Variants in RNF121 observed in about 807,000 individuals in gnomAD.
RNF121 encodes the protein ring finger protein 121.
Under a neutral mutation model 46.5 loss-of-function variants are expected in RNF121, and 21 were observed. The observed-to-expected ratio is 0.45, with a 90% CI of 0.32 to 0.65. The LOEUF (loss-of-function observed/expected upper bound fraction) is 0.65. Among genes scored for constraint, RNF121 ranks in the 30% least tolerant of loss-of-function variants. The pLI, the probability that RNF121 is intolerant of heterozygous loss-of-function variation, is 0.04. For synonymous variants in RNF121, 139 were observed against 144.7 expected (o/e 0.96, Z 0.28); for missense variants, 346 against 416.0 (o/e 0.83, Z 1.46).
intron 3 of RNF121, among the ~76,000 whole-genome samples, chr11:71,971,200 A>G (rs1049702775): frequency 3.9e-5 from 6 of 152,110 alleles, no homozygotes; most frequent in Non-Finnish European, 5.9e-5. Context: ...CTTGGGCAAC[A>G]TGGTCAAACC....
intron 3 of RNF121, among the ~76,000 whole-genome samples, chr11:71,973,322 A>G (rs1056319069): frequency 4.6e-5 from 7 of 151,882 alleles, no homozygotes; most frequent in Non-Finnish European, 1.0e-4. Context: ...GTAAGACCCA[A>G]TCTCTTAAAA....
intron 3 of RNF121, among the ~76,000 whole-genome samples, chr11:71,966,709 G>A (rs1954285449): frequency 1.3e-5 from 2 of 151,786 alleles, no homozygotes; most frequent in Admixed American, 1.3e-4. Context: ...GGCTGGTCTT[G>A]AATTCCTGGC....
At chr11:71,964,604 A>G (rs969209090) in intron 3 of RNF121, among the ~76,000 whole-genome samples, 30 of 152,154 alleles carry the variant, frequency 2.0e-4, no homozygotes, top group African/African-American at 6.7e-4. Flanking sequence ...CAGACTTCCA[A>G]GTAGCTGGGA....
At chr11:71,995,106 C>G in intron 7 of RNF121, 1 of 572,450 alleles carries the variant, frequency 1.7e-6, no homozygotes, top group East Asian at 2.9e-5. Flanking sequence ...GACCTGAGAT[C>G]TGACCAGTCA....
intron 3 of RNF121, among the ~76,000 whole-genome samples, chr11:71,973,757 A>C (rs977098515): frequency 3.3e-5 from 5 of 152,082 alleles, no homozygotes; most frequent in African/African-American, 1.2e-4. Context: ...ACTGCACTCT[A>C]GCCTGGGTGA....
At chr11:71,982,452 A>T (rs1954684340) in intron 3 of RNF121, among the ~76,000 whole-genome samples, 1 of 152,118 alleles carries the variant, frequency 6.6e-6, no homozygotes. Flanking sequence ...GGCACTCCTC[A>T]AAAGGATGGA....
chr11:71,986,781 A>G (rs1311529648), intron 4 of RNF121, among the ~76,000 whole-genome samples: 4 of 151,540 alleles, frequency 2.6e-5, no homozygotes, highest in East Asian at 3.9e-4. Context: ...AAAAAAAAAA[A>G]AAAAAAAAGA....
intron 1 of RNF121, 39 bp downstream of exon 1, chr11:71,929,163 G>A: frequency 6.5e-7 from 1 of 1,542,592 alleles, no homozygotes; most frequent in Non-Finnish European, 8.8e-7. Context: ...CTCAACCTGA[G>A]ACTGAGGGGA....
At chr11:71,959,897 A>C (rs188474839) in intron 2 of RNF121, among the ~76,000 whole-genome samples, 125 of 152,156 alleles carry the variant, frequency 8.2e-4, no homozygotes, top group African/African-American at 3.0e-3. Context: ...CAGCCTCTCA[A>C]AGTGCTGGGA....
At chr11:71,994,588 T>G in intron 6 of RNF121, 131 bp from the exon 7 acceptor site, 1 of 971,764 alleles carries the variant, frequency 1.0e-6, no homozygotes, top group Non-Finnish European at 1.6e-6. Context: ...AAAAAAAAGA[T>G]GTCCTCTAAC....
At chr11:71,986,914 A>C in intron 4 of RNF121, 90 bp from the exon 5 acceptor site, 1 of 790,242 alleles carries the variant, frequency 1.3e-6, no homozygotes, top group South Asian at 1.4e-5. Context: ...TGGTGTCCCC[A>C]TTGATGTGAG....
intron 1 of RNF121, among the ~76,000 whole-genome samples, chr11:71,935,837 A>G (rs1953389380): frequency 6.9e-6 from 1 of 144,838 alleles, no homozygotes; most frequent in Non-Finnish European, 1.5e-5. Context: ...AAGACATAAT[A>G]TTCTTTTTCT....
chr11:71,973,756 T>C (rs1431776768), intron 3 of RNF121, among the ~76,000 whole-genome samples: 1 of 151,392 alleles, frequency 6.6e-6, no homozygotes, highest in Non-Finnish European at 1.5e-5. Context: ...CACTGCACTC[T>C]AGCCTGGGTG....
chr11:71,995,444 G>A lies in RNF121; in HGVS notation c.762-6G>A. 1.9e-6 allele frequency: 3 copies of A among 1,570,476 alleles called. No homozygotes were observed. The highest frequency in any genetic ancestry group is 1.2e-5 in the South Asian group (1 of 85,960). ...CTCACCATTTCCCTTGACCAGCGGT[G>A]CTCAGCTTCCACGAGTTCTGCATCC... On this transcript the variant is annotated splice_polypyrimidine_tract_variant and splice_region_variant and intron_variant, in intron 7 of 8. Transcript: ENST00000361756.
chr11:71,995,952 C>T (rs1162971674), intron 8 of RNF121, among the ~76,000 whole-genome samples: 1 of 152,196 alleles, frequency 6.6e-6, no homozygotes, highest in Non-Finnish European at 1.5e-5. Context: ...CTGCCTCCCA[C>T]CTTCTCTGCA....
chr11:71,990,478 C>T (rs1170028087), intron 5 of RNF121, 119 bp from the exon 6 acceptor site: 2 of 1,313,814 alleles, frequency 1.5e-6, no homozygotes, highest in Admixed American at 2.2e-5. Flanking sequence ...AGTTTGCCCG[C>T]ACTTGCTCTA....
chr11:71,986,051 ACTC>A (rs1430856121), intron 4 of RNF121, among the ~76,000 whole-genome samples: 6 of 151,872 alleles, frequency 4.0e-5, no homozygotes, highest in Non-Finnish European at 7.4e-5. Context: ...GGGGCACACT[ACTC>A]CTCCTTCAGG....
Position 71,996,806 on chromosome 11 carries a change from GC to G in RNF121, c.*495del. The G allele has an allele frequency of 6.3e-6, 1 of 158,100 alleles. No individual in the cohort carries two copies. The highest frequency in any genetic ancestry group is 1.4e-5 in the Non-Finnish European group (1 of 71,072). 9.8% of individuals were successfully genotyped at this position (158,100 alleles called of 1,614,324 possible). On this transcript the variant is annotated 3_prime_UTR_variant, in exon 9 of 9. Transcript: ENST00000361756. ...GCTTGTGCCACGGGTGAGCACTGAG[GC>G]CCCAGGTGTCCTCCCTCCCCCACTG... is the stretch of plus-strand genomic sequence containing the variant.
At chr11:71,965,394 G>T (rs1356612890) in intron 3 of RNF121, among the ~76,000 whole-genome samples, 1 of 151,948 alleles carries the variant, frequency 6.6e-6, no homozygotes. Flanking sequence ...GGAACTACAG[G>T]TGTGAGCCAC....
Sources: allele counts gnomAD v4.1 joint callset (sites outside exome capture counted in the v4.1 genomes callset), GRCh38; gene constraint gnomAD v4.1.1; transcripts MANE v1.5; gene names NCBI Gene and HGNC (gene_info 2026-07-23, HGNC 2026-07-21).